The following NKAIN2 variants were observed in gnomAD, a reference collection of about 807,000 sequenced individuals.
The protein encoded by NKAIN2 is sodium/potassium transporting ATPase interacting 2.
In NKAIN2, 14 loss-of-function variants were observed where a neutral mutation model predicts 32.6. That is an observed-to-expected ratio of 0.43 (90% CI 0.28 to 0.67). The LOEUF is 0.67. Among genes scored for constraint, NKAIN2 ranks in the 30% least tolerant of loss-of-function variants. NKAIN2 has a pLI of 0.17. For synonymous variants in NKAIN2, 80 were observed against 87.2 expected (o/e 0.92, Z 0.46); for missense variants, 198 against 258.3 (o/e 0.77, Z 1.60).
At chr6:124,107,897 T>C (rs1175515299) in intron 1 of NKAIN2, among the ~76,000 whole-genome samples, 3 of 152,186 alleles carry the variant, frequency 2.0e-5, no homozygotes, top group African/African-American at 7.2e-5. Flanking sequence ...TTCCATTGTA[T>C]GTATATCACA....
chr6:124,749,811 C>T (rs1777629069), intron 4 of NKAIN2, among the ~76,000 whole-genome samples: 1 of 151,930 alleles, frequency 6.6e-6, no homozygotes, highest in Non-Finnish European at 1.5e-5. Flanking sequence ...AAATCTGATT[C>T]TTCATAATTT....
At chr6:124,294,342 T>A (rs1366028969) in intron 2 of NKAIN2, among the ~76,000 whole-genome samples, 1 of 152,148 alleles carries the variant, frequency 6.6e-6, no homozygotes, top group African/African-American at 2.4e-5. Flanking sequence ...TCCCTCTCAA[T>A]GACCTAATCA....
intron 1 of NKAIN2, among the ~76,000 whole-genome samples, chr6:124,201,568 C>CA (rs1214700105): frequency 2.0e-5 from 3 of 151,554 alleles, no homozygotes; most frequent in Non-Finnish European, 2.9e-5. Context: ...TCTAGACTGC[C>CA]AAAAAAATCA....
At chr6:123,982,707 ATACTC>A (rs1778955082) in intron 1 of NKAIN2, among the ~76,000 whole-genome samples, 1 of 152,210 alleles carries the variant, frequency 6.6e-6, no homozygotes, top group Admixed American at 6.5e-5. Context: ...CAAAAAAAGG[ATACTC>A]TACAAGAAAT....
rs200624103 is a variant in NKAIN2, at chr6:123,911,780, TAC to T, written c.54+107528_54+107529del. Among the ~76,000 whole-genome samples, 13 of 98,044 alleles carry T rather than the reference TAC, an allele frequency of 1.3e-4. 1 individual carries two copies. The highest frequency in any genetic ancestry group is 6.6e-4 in the East Asian group (2 of 3,044). The allele number at this position is 98,044 out of a possible 152,430, so 64.3% of individuals were successfully genotyped here. A position where few individuals can be genotyped will look rare whatever the true frequency, so the allele number is the denominator to read the frequency against. ...TAAAATAGTCGTATATATACATACA[TAC>T]ATATATATATATATATATGTATATA... On this transcript the variant is annotated intron_variant, in intron 1 of 6. Transcript: ENST00000368417.
intron 3 of NKAIN2, among the ~76,000 whole-genome samples, chr6:124,492,445 A>G (rs1413291152): frequency 6.6e-6 from 1 of 151,940 alleles, no homozygotes; most frequent in South Asian, 2.1e-4. Context: ...GATTTAGAAA[A>G]TATCAGCTTT....
chr6:124,373,995 A>C (rs1799879171), intron 3 of NKAIN2, among the ~76,000 whole-genome samples: 1 of 152,124 alleles, frequency 6.6e-6, no homozygotes, highest in Non-Finnish European at 1.5e-5. Context: ...TGTTGAATAC[A>C]GTTATTGGAA....
At chr6:124,740,532 G>A (rs1393350135) in intron 4 of NKAIN2, among the ~76,000 whole-genome samples, 3 of 149,654 alleles carry the variant, frequency 2.0e-5, no homozygotes, top group Non-Finnish European at 3.0e-5. Flanking sequence ...AAAGAAAAAG[G>A]TTGAAGGGGC....
At chr6:124,507,772 G>A (rs1446886509) in intron 3 of NKAIN2, among the ~76,000 whole-genome samples, 1 of 152,112 alleles carries the variant, frequency 6.6e-6, no homozygotes, top group Non-Finnish European at 1.5e-5. Context: ...AGCAAGAACT[G>A]TTGAGTCCCT....
chr6:124,036,012 G>A (rs1187949566), intron 1 of NKAIN2, among the ~76,000 whole-genome samples: 1 of 152,046 alleles, frequency 6.6e-6, no homozygotes, highest in South Asian at 2.1e-4. Flanking sequence ...GAATCATTTG[G>A]TATTAAAAGA....
At chr6:124,026,070 C>A (rs1046318758) in intron 1 of NKAIN2, among the ~76,000 whole-genome samples, 1 of 152,158 alleles carries the variant, frequency 6.6e-6, no homozygotes, top group Non-Finnish European at 1.5e-5. Context: ...CTGTTTATTA[C>A]CATTAGATCC....
chr6:123,986,199 A>C (rs1779127714), intron 1 of NKAIN2, among the ~76,000 whole-genome samples: 1 of 152,216 alleles, frequency 6.6e-6, no homozygotes. Flanking sequence ...AATACAACAG[A>C]GTAGCATTAT....
chr6:124,679,271 A>G (rs1773508469), intron 4 of NKAIN2, among the ~76,000 whole-genome samples: 1 of 152,140 alleles, frequency 6.6e-6, no homozygotes, highest in African/African-American at 2.4e-5. Flanking sequence ...TGGGACTATG[A>G]TGCATAAGGG....
At chr6:124,710,886 C>G (rs1053096542) in intron 4 of NKAIN2, among the ~76,000 whole-genome samples, 5 of 149,468 alleles carry the variant, frequency 3.3e-5, no homozygotes, top group Admixed American at 1.3e-4. Context: ...ATGTTAGCTG[C>G]TTATTTTGCT....
chr6:124,115,502 A>C (rs1785567000), intron 1 of NKAIN2, among the ~76,000 whole-genome samples: 1 of 152,130 alleles, frequency 6.6e-6, no homozygotes, highest in African/African-American at 2.4e-5. Flanking sequence ...TTGAGAAAAA[A>C]AAATTAAGGA....
chr6:124,198,655 T>C (rs996099193), intron 1 of NKAIN2, among the ~76,000 whole-genome samples: 2 of 151,996 alleles, frequency 1.3e-5, no homozygotes, highest in Non-Finnish European at 2.9e-5. Flanking sequence ...TTAAGACCTT[T>C]TGCTCTGCAT....
At chr6:123,918,491 T>C (rs1345514813) in intron 1 of NKAIN2, among the ~76,000 whole-genome samples, 2 of 152,228 alleles carry the variant, frequency 1.3e-5, no homozygotes, top group Admixed American at 1.3e-4. Context: ...ATGGCAGAAA[T>C]GCCCTTTTCA....
chr6:123,992,732 G>A (rs1272255310), intron 1 of NKAIN2, among the ~76,000 whole-genome samples: 1 of 152,168 alleles, frequency 6.6e-6, no homozygotes, highest in Non-Finnish European at 1.5e-5. Context: ...AACCAAAGCT[G>A]GGATGATCCA....
chr6:124,158,033 A>G (rs1788075258), intron 1 of NKAIN2, among the ~76,000 whole-genome samples: 1 of 152,202 alleles, frequency 6.6e-6, no homozygotes. Context: ...TGAAGAATTT[A>G]TTGTATATTT....
Sources: allele counts gnomAD v4.1 joint callset (sites outside exome capture counted in the v4.1 genomes callset), GRCh38; gene constraint gnomAD v4.1.1; transcripts MANE v1.5; gene names NCBI Gene and HGNC (gene_info 2026-07-23, HGNC 2026-07-21).